The following CPNE4 variants were observed in gnomAD, a reference collection of about 807,000 sequenced individuals.
CPNE4 encodes the protein copine 4, also known as copine-4.
CPNE4 carries 25 observed loss-of-function variants against 67.9 expected under a neutral mutation model. The ratio of observed to expected loss-of-function variants is 0.37; its 90% CI spans 0.27 to 0.51. CPNE4 has a LOEUF of 0.51. Among genes scored for constraint, CPNE4 ranks in the 20% least tolerant of loss-of-function variants. The pLI is 0.93. For missense variants in CPNE4, 464 were observed against 690.8 expected (o/e 0.67, Z 3.68); for synonymous variants, 242 against 244.9 (o/e 0.99, Z 0.11).
intron 5 of CPNE4, among the ~76,000 whole-genome samples, chr3:131,693,576 A>C (rs2081080392): frequency 6.6e-6 from 1 of 152,204 alleles, no homozygotes; most frequent in African/African-American, 2.4e-5. Context: ...GGCATCATGC[A>C]GCCTCTGGAA....
chr3:131,974,359 C>T (rs1164867446), intron 1 of CPNE4, among the ~76,000 whole-genome samples: 1 of 152,160 alleles, frequency 6.6e-6, no homozygotes, highest in Admixed American at 6.5e-5. Flanking sequence ...TACGCATCTA[C>T]AGTGAATGCA....
intron 1 of CPNE4, among the ~76,000 whole-genome samples, chr3:131,938,361 A>T (rs942731032): frequency 6.6e-6 from 1 of 152,118 alleles, no homozygotes; most frequent in Non-Finnish European, 1.5e-5. Context: ...TGTCTCAAAA[A>T]AAAAATCATT....
intron 2 of CPNE4, among the ~76,000 whole-genome samples, chr3:131,904,316 C>T (rs984827078): frequency 6.6e-5 from 10 of 152,094 alleles, no homozygotes; most frequent in Admixed American, 1.3e-4. Context: ...TGAATCTACT[C>T]ATGATTTCCA....
chr3:131,941,319 C>T (rs1438561700), intron 1 of CPNE4, among the ~76,000 whole-genome samples: 1 of 151,974 alleles, frequency 6.6e-6, no homozygotes, highest in East Asian at 1.9e-4. Context: ...AGATAATTTA[C>T]ATGCATTATA....
intron 1 of CPNE4, among the ~76,000 whole-genome samples, chr3:131,933,012 G>T (rs948842225): frequency 3.3e-5 from 5 of 152,062 alleles, no homozygotes; most frequent in African/African-American, 1.2e-4. Context: ...CTATCTCAAA[G>T]AAAAAAGAAT....
intron 2 of CPNE4, among the ~76,000 whole-genome samples, chr3:131,743,688 C>T (rs953290897): frequency 2.6e-5 from 4 of 151,958 alleles, no homozygotes; most frequent in Admixed American, 6.6e-5. Context: ...TTGCTAAAAA[C>T]AATACTGTAA....
At chr3:131,547,315 C>T (rs1004031047) in intron 14 of CPNE4, among the ~76,000 whole-genome samples, 17 of 151,820 alleles carry the variant, frequency 1.1e-4, no homozygotes, top group Admixed American at 2.6e-4. Context: ...ATTAGCTGGG[C>T]GTGGTGGCAC....
At chr3:131,667,512 A>G (rs1396132126) in intron 7 of CPNE4, among the ~76,000 whole-genome samples, 1 of 152,000 alleles carries the variant, frequency 6.6e-6, no homozygotes, top group African/African-American at 2.4e-5. Context: ...GTTGCTGTTA[A>G]GGATCCTACA....
At chr3:131,643,988 G>A (rs2079600923) in intron 7 of CPNE4, among the ~76,000 whole-genome samples, 3 of 152,114 alleles carry the variant, frequency 2.0e-5, no homozygotes, top group South Asian at 4.1e-4. Flanking sequence ...ATAGCAGCGC[G>A]AGAGTGGACT....
At chr3:131,957,466 C>T (rs2072012351) in intron 1 of CPNE4, among the ~76,000 whole-genome samples, 1 of 152,184 alleles carries the variant, frequency 6.6e-6, no homozygotes, top group South Asian at 2.1e-4. Flanking sequence ...TGTTATCAAA[C>T]TGTTGGATAA....
intron 1 of CPNE4, among the ~76,000 whole-genome samples, chr3:132,019,368 C>T (rs1341554726): frequency 6.6e-6 from 1 of 151,944 alleles, no homozygotes; most frequent in Non-Finnish European, 1.5e-5. Context: ...AATCTAAGCC[C>T]ACCTTGGTGA....
At chr3:131,699,834 G>C in intron 4 of CPNE4, 75 bp downstream of exon 4, 1 of 1,142,610 alleles carries the variant, frequency 8.8e-7, no homozygotes, top group Non-Finnish European at 1.3e-6. Flanking sequence ...TGCTTCCCAA[G>C]TGTCTGGTTT....
chr3:131,660,686 A>G (rs1223168580), intron 7 of CPNE4, among the ~76,000 whole-genome samples: 1 of 152,186 alleles, frequency 6.6e-6, no homozygotes. Context: ...TAGGCTAGTT[A>G]TTTAATCTTT....
rs79762221 is a variant in CPNE4 at position 131,868,600 on chromosome 3, A to G, written c.180+36664T>C. On this transcript the variant is annotated intron_variant, in intron 2 of 15. Transcript: ENST00000429747. ...TTGCAGCCCAAATAAATTCTAACTGACACAATTATAGAAATTATTACTTTT... is the reference window on the plus strand; with the variant it reads ...TTGCAGCCCAAATAAATTCTAACTGGCACAATTATAGAAATTATTACTTTT... 7.4e-3 allele frequency among the ~76,000 whole-genome samples: 1,130 copies of G among 152,312 alleles called. 50 individuals are homozygous for G. In the East Asian group the frequency reaches 0.12, roughly 16 times the overall value.
At chr3:131,893,800 T>C (rs1012272120) in intron 2 of CPNE4, among the ~76,000 whole-genome samples, 1 of 151,876 alleles carries the variant, frequency 6.6e-6, no homozygotes, top group Admixed American at 6.6e-5. Context: ...CCAAAACCTG[T>C]GGAATGCAGC....
intron 2 of CPNE4, among the ~76,000 whole-genome samples, chr3:131,801,452 G>GTGTGTGTATATATATA (rs761978890): frequency 7.5e-5 from 4 of 53,350 alleles, no homozygotes; most frequent in African/African-American, 3.1e-4. Flanking sequence ...GTGTGTGTGT[G>GTGTGTGTATATATATA]TATATATATA....
At chr3:131,844,700 G>C (rs956745158) in intron 2 of CPNE4, among the ~76,000 whole-genome samples, 1 of 152,168 alleles carries the variant, frequency 6.6e-6, no homozygotes, top group Admixed American at 6.5e-5. Context: ...AGTTTTAAAA[G>C]ATATTAGCTC....
At chr3:131,674,944 T>C (rs1326843235) in intron 6 of CPNE4, among the ~76,000 whole-genome samples, 1 of 152,058 alleles carries the variant, frequency 6.6e-6, no homozygotes, top group East Asian at 1.9e-4. Flanking sequence ...ATATAGGCAT[T>C]TGTAGCTATC....
chr3:131,769,700 G>A (rs1362020053), intron 2 of CPNE4, among the ~76,000 whole-genome samples: 1 of 152,044 alleles, frequency 6.6e-6, no homozygotes, highest in African/African-American at 2.4e-5. Context: ...TATCCTTCCT[G>A]GAAGAACAGT....
Sources: gnomAD v4.1 joint callset for allele counts (sites outside exome capture counted in the v4.1 genomes callset) on GRCh38, gnomAD v4.1.1 for gene constraint, MANE v1.5 for transcripts, NCBI Gene and HGNC (gene_info 2026-07-23, HGNC 2026-07-21) for gene names.